The following SPECC1L variants were observed in gnomAD, a reference collection of about 807,000 sequenced individuals.
SPECC1L encodes cytospin-A.
In SPECC1L, 40 loss-of-function variants were observed where a neutral mutation model predicts 116.8. The observed-to-expected ratio is 0.34, with a 90% CI of 0.27 to 0.45. The LOEUF (loss-of-function observed/expected upper bound fraction) is 0.45, where lower values mean the gene tolerates loss of function less well. Ranked by LOEUF, SPECC1L falls within the 20% of genes least tolerant of loss-of-function variation. The probability of loss-of-function intolerance (pLI) is 1.00; values close to 1 mark genes in which losing one functional copy is unlikely to be tolerated. For missense variants in SPECC1L, 1,110 were observed against 1,373.6 expected, an observed-to-expected ratio of 0.81 and a Z score of 3.03; for synonymous variants, 504 against 500.6, an observed-to-expected ratio of 1.01 and a Z score of -0.09.
At chr22:24,347,489 TAAA>T (rs2041321507) in intron 11 of SPECC1L, among the ~76,000 whole-genome samples, 1 of 152,188 alleles carries the variant, frequency 6.6e-6, no homozygotes, top group African/African-American at 2.4e-5. Context: ...AAATGAGGCT[TAAA>T]GAAGTTAACT....
intron 10 of SPECC1L, among the ~76,000 whole-genome samples, chr22:24,344,343 TA>T (rs201890320): frequency 0.076 from 11,089 of 145,398 alleles, 741 homozygotes; most frequent in African/African-American, 0.18. Context: ...GAAAAAAAAT[TA>T]AAAAAAAAAA....
chr22:24,397,518 GGT>G (rs2042391428), intron 14 of SPECC1L, among the ~76,000 whole-genome samples: 1 of 152,052 alleles, frequency 6.6e-6, no homozygotes, highest in Admixed American at 6.6e-5. Context: ...GGTGAGGTTG[GGT>G]GGGTGATCTT....
chr22:24,412,318 A>C, intron 15 of SPECC1L: 1 of 407,778 alleles, frequency 2.5e-6, no homozygotes. Flanking sequence ...CCTGTGGGGG[A>C]AGCTCATTTG....
At chr22:24,309,163 A>G (rs923587417) in intron 3 of SPECC1L, among the ~76,000 whole-genome samples, 2 of 152,192 alleles carry the variant, frequency 1.3e-5, no homozygotes, top group Admixed American at 6.5e-5. Context: ...GCACATATCT[A>G]TGTCAATTTC....
intron 13 of SPECC1L, among the ~76,000 whole-genome samples, chr22:24,366,820 T>G (rs192138173): frequency 1.6e-4 from 24 of 152,214 alleles, no homozygotes; most frequent in African/African-American, 5.3e-4. Flanking sequence ...TATTAAGAAC[T>G]TGGGGGAAAA....
At position 24,415,535 on chromosome 22, in the gene SPECC1L, A is replaced by T. The variant is rs1449187238; in HGVS notation, c.*912A>T. The stretch of plus-strand genomic sequence containing the variant: ...ATCTAAACAACATCTGTACATTAGC[A>T]TGGTGAGAGCAAGGAATAAAGCAGG... On this transcript the variant is annotated 3_prime_UTR_variant, in exon 17 of 17. Coordinates refer to ENST00000314328, the MANE Select transcript of SPECC1L (RefSeq NM_015330.6). 6.6e-6 allele frequency: 1 copy of T among 152,638 alleles called. No individual in the cohort carries two copies. The highest frequency in any genetic ancestry group is 1.5e-5 in the Non-Finnish European group (1 of 68,054). 9.5% of individuals were successfully genotyped at this position (152,638 alleles called of 1,614,324 possible). A position where few individuals can be genotyped will look rare whatever the true frequency, so the allele number is the denominator to read the frequency against.
intron 14 of SPECC1L, among the ~76,000 whole-genome samples, chr22:24,391,098 A>G (rs1469924299): frequency 6.6e-6 from 1 of 151,514 alleles, no homozygotes; most frequent in Non-Finnish European, 1.5e-5. Flanking sequence ...GATGGTCTCA[A>G]TCTCCTGATC....
In SPECC1L at chr22:24,364,191, T is replaced by G. The variant is rs116795705; in HGVS notation, c.2827+847T>G. Among the ~76,000 whole-genome samples, 617 of 152,304 alleles carry G rather than the reference T, an allele frequency of 4.1e-3. 7 individuals carry two copies. Among genetic ancestry groups the G allele is most frequent in the African/African-American group, 0.014 (576 of 41,556 alleles). ...GCTGCTGTTGTGGATCTGGTACCAG[T>G]GGCTAAAGTGCCTACTCCCACTGAA... On this transcript the variant is annotated intron_variant, in intron 12 of 16. Transcript: ENST00000314328.
intron 2 of SPECC1L, among the ~76,000 whole-genome samples, chr22:24,287,870 G>A (rs1417967309): frequency 6.6e-6 from 1 of 152,110 alleles, no homozygotes; most frequent in Non-Finnish European, 1.5e-5. Flanking sequence ...AGGGACTGGA[G>A]AACAGTGGAT....
chr22:24,300,122 G>A (rs1044599315), intron 2 of SPECC1L, among the ~76,000 whole-genome samples: 2 of 151,996 alleles, frequency 1.3e-5, no homozygotes, highest in Non-Finnish European at 2.9e-5. Flanking sequence ...CATCCTCTAA[G>A]TTCTCTCCCC....
chr22:24,414,673 C>G lies in SPECC1L; in HGVS notation c.*50C>G. Reference sequence around the variant, plus strand: ...TAGCGGGGGTACCCCTCCACAGCGACCGAGCGACACCGACGCCATTAGCTA... The same window carrying G: ...TAGCGGGGGTACCCCTCCACAGCGAGCGAGCGACACCGACGCCATTAGCTA... On this transcript the variant is annotated 3_prime_UTR_variant, in exon 17 of 17. Coordinates refer to ENST00000314328, the MANE Select transcript of SPECC1L (RefSeq NM_015330.6). The G allele has an allele frequency of 6.6e-7, 1 of 1,510,496 alleles. No homozygotes were observed. The allele number at this position is 1,510,496 out of a possible 1,614,324, so 93.6% of individuals were successfully genotyped here.
intron 9 of SPECC1L, among the ~76,000 whole-genome samples, chr22:24,335,024 A>T (rs138270555): frequency 6.6e-6 from 1 of 152,192 alleles, no homozygotes; most frequent in Non-Finnish European, 1.5e-5. Flanking sequence ...CTCCCCATGC[A>T]TCAATGGCAG....
chr22:24,327,848 T>C (rs930019748), intron 6 of SPECC1L, among the ~76,000 whole-genome samples: 1 of 152,178 alleles, frequency 6.6e-6, no homozygotes, highest in African/African-American at 2.4e-5. Flanking sequence ...CGAGATGTGG[T>C]AATATTGGCG....
chr22:24,387,518 A>G (rs1264178070), intron 14 of SPECC1L, among the ~76,000 whole-genome samples: 2 of 152,168 alleles, frequency 1.3e-5, no homozygotes, highest in African/African-American at 4.8e-5. Flanking sequence ...CTTCATGTAT[A>G]TTGAGCAAAA....
intron 2 of SPECC1L, among the ~76,000 whole-genome samples, chr22:24,291,371 C>CTGCA (rs1377535814): frequency 6.6e-6 from 1 of 152,156 alleles, no homozygotes; most frequent in Non-Finnish European, 1.5e-5. Context: ...AGACCTGGGA[C>CTGCA]TGCAATCCAG....
chr22:24,390,239 G>A (rs2042238903), intron 14 of SPECC1L, among the ~76,000 whole-genome samples: 1 of 151,744 alleles, frequency 6.6e-6, no homozygotes. Flanking sequence ...CCTTCCTAGC[G>A]TCCTCTCTCC....
rs77589668 is a variant in SPECC1L at position 24,406,941 on chromosome 22, G to A, written c.3088-4647G>A. ...AGTGACGTTGGGAGCAGAGGGCTGCGGGCTTCTTCCTCACTTCCCTGGAGG... is the reference window on the plus strand; with the variant it reads ...AGTGACGTTGGGAGCAGAGGGCTGCAGGCTTCTTCCTCACTTCCCTGGAGG... On this transcript the variant is annotated intron_variant, in intron 14 of 16. Transcript: ENST00000314328. Among the ~76,000 whole-genome samples, 580 of 152,270 alleles carry A rather than the reference G, an allele frequency of 3.8e-3. 4 individuals are homozygous for A. The highest frequency in any genetic ancestry group is 4.7e-3 in the Non-Finnish European group (319 of 68,022).
chr22:24,302,135 A>C, intron 2 of SPECC1L, 60 bp from the exon 3 acceptor site: 2 of 1,322,326 alleles, frequency 1.5e-6, no homozygotes, highest in Non-Finnish European at 2.1e-6. Flanking sequence ...TTCGAAAACA[A>C]ATTTCTAAAG....
chr22:24,319,634 C>CCA (rs1446093088), intron 4 of SPECC1L, among the ~76,000 whole-genome samples: 2 of 152,210 alleles, frequency 1.3e-5, no homozygotes, highest in African/African-American at 4.8e-5. Context: ...TCTATATGAA[C>CCA]ATTCCCCAGC....
Sources: allele counts gnomAD v4.1 joint callset (sites outside exome capture counted in the v4.1 genomes callset), GRCh38; gene constraint gnomAD v4.1.1; transcripts MANE v1.5; gene names NCBI Gene and HGNC (gene_info 2026-07-23, HGNC 2026-07-21).